KCTD16: variants seen among roughly 807,000 people sequenced by gnomAD.
KCTD16 encodes potassium channel tetramerization domain containing 16, also known as BTB/POZ domain-containing protein KCTD16.
Under a neutral mutation model 33.2 loss-of-function variants are expected in KCTD16, and 13 were observed. That is an observed-to-expected ratio of 0.39 (90% CI 0.25 to 0.62). The LOEUF is 0.62. KCTD16 is among the 20% of genes least tolerant of loss of function. The pLI, the probability that KCTD16 is intolerant of heterozygous loss-of-function variation, is 0.50. For synonymous variants in KCTD16, 197 were observed against 195.3 expected, an observed-to-expected ratio of 1.01 and a Z score of -0.07; for missense variants, 441 against 525.1, an observed-to-expected ratio of 0.84 and a Z score of 1.57.
At chr5:144,290,503 G>A (rs1755866915) in intron 3 of KCTD16, among the ~76,000 whole-genome samples, 2 of 152,150 alleles carry the variant, frequency 1.3e-5, no homozygotes, top group South Asian at 4.1e-4. Flanking sequence ...TGATTGAGTT[G>A]TTGTGCTTTA....
At chr5:144,355,790 A>C (rs1751556859) in intron 3 of KCTD16, among the ~76,000 whole-genome samples, 1 of 152,156 alleles carries the variant, frequency 6.6e-6, no homozygotes, top group Non-Finnish European at 1.5e-5. Flanking sequence ...GGAAGACACC[A>C]GGCTGATTTC....
At chr5:144,454,949 T>C (rs920841797) in intron 3 of KCTD16, among the ~76,000 whole-genome samples, 1 of 152,188 alleles carries the variant, frequency 6.6e-6, no homozygotes, top group Non-Finnish European at 1.5e-5. Flanking sequence ...TTCTGGGCAC[T>C]AAGGCTACAG....
intron 3 of KCTD16, among the ~76,000 whole-genome samples, chr5:144,436,907 T>C (rs1753592994): frequency 6.6e-6 from 1 of 152,130 alleles, no homozygotes; most frequent in African/African-American, 2.4e-5. Context: ...GTTTTACTTT[T>C]TAAGGATTAA....
rs187679348 is a variant in KCTD16 at position 144,300,298 on chromosome 5, A to C, written c.832+92752A>C. Among the ~76,000 whole-genome samples, 554 of 152,326 alleles carry C rather than the reference A, an allele frequency of 3.6e-3. 3 individuals carry two copies. The highest frequency in any genetic ancestry group is 0.013 in the African/African-American group (534 of 41,566). The stretch of plus-strand genomic sequence containing the variant: ...TAGATCAAGATATTTTGTATCTGGC[A>C]TCACAAAGCATTTTTGCTTCACTGT... On this transcript the variant is annotated intron_variant, in intron 3 of 3. Transcript: ENST00000512467.
At chr5:144,304,693 A>C (rs1348077550) in intron 3 of KCTD16, among the ~76,000 whole-genome samples, 1 of 152,176 alleles carries the variant, frequency 6.6e-6, no homozygotes, top group South Asian at 2.1e-4. Context: ...GCAAAATGCT[A>C]GGGCGATCTA....
rs555779756 is a variant in KCTD16 at position 144,475,289 on chromosome 5, C to G, written c.*1175C>G. 6.6e-6 allele frequency: 1 copy of G among 152,136 alleles called. No individual in the cohort carries two copies. The highest frequency in any genetic ancestry group is 6.6e-5 in the Admixed American group (1 of 15,262). The allele number at this position is 152,136 out of a possible 1,614,324, so 9.4% of individuals were successfully genotyped here. On this transcript the variant is annotated 3_prime_UTR_variant, in exon 4 of 4. Transcript: ENST00000512467. Reference sequence around the variant, plus strand: ...AGCTACATTTTTACTTGCTTGTAGCCGTTTTTGTTTGCCTTTGGGATTCGG... The same window carrying G: ...AGCTACATTTTTACTTGCTTGTAGCGGTTTTTGTTTGCCTTTGGGATTCGG...
At chr5:144,199,975 A>T (rs1753012517) in intron 2 of KCTD16, among the ~76,000 whole-genome samples, 1 of 151,842 alleles carries the variant, frequency 6.6e-6, no homozygotes, top group African/African-American at 2.4e-5. Flanking sequence ...TGCCTCCCAA[A>T]GTGCTTCCTC....
Position 144,477,487 on chromosome 5 carries a change from C to G in KCTD16, c.*3373C>G, listed in dbSNP as rs776460804. On this transcript the variant is annotated 3_prime_UTR_variant, in exon 4 of 4. Coordinates refer to ENST00000512467, the MANE Select transcript of KCTD16 (RefSeq NM_020768.4). ...AGGGATGTTGACATGGAATTTTTCT[C>G]TTTTCAATTAGCCTTGTTAGATTCA... 14 of 152,214 alleles carry G rather than the reference C, an allele frequency of 9.2e-5. No individual in the cohort carries two copies. The highest frequency in any genetic ancestry group is 2.0e-4 in the Admixed American group (3 of 15,274). 9.4% of individuals were successfully genotyped at this position (152,214 alleles called of 1,614,324 possible).
At chr5:144,407,201 G>GTTTTTTTTTTTTTT in intron 3 of KCTD16, among the ~76,000 whole-genome samples, 1 of 142,474 alleles carries the variant, frequency 7.0e-6, no homozygotes, top group Non-Finnish European at 1.5e-5. Context: ...AAAAATTCCT[G>GTTTTTTTTTTTTTT]TTTTTTTTTT....
At chr5:144,342,398 A>G (rs1580886899) in intron 3 of KCTD16, among the ~76,000 whole-genome samples, 1 of 152,298 alleles carries the variant, frequency 6.6e-6, no homozygotes, top group East Asian at 1.9e-4. Flanking sequence ...GTGTATAAGA[A>G]CGCTTGTGAT....
At chr5:144,361,137 G>A (rs1224036177) in intron 3 of KCTD16, among the ~76,000 whole-genome samples, 12 of 144,500 alleles carry the variant, frequency 8.3e-5, no homozygotes, top group African/African-American at 3.1e-4. Context: ...TCCCACCTAT[G>A]AGTGAGAATC....
At chr5:144,465,207 C>T (rs1487564750) in intron 3 of KCTD16, among the ~76,000 whole-genome samples, 2 of 132,134 alleles carry the variant, frequency 1.5e-5, no homozygotes, top group East Asian at 2.8e-4. Flanking sequence ...CTCACTCTCT[C>T]TCTCTCTCTT....
At chr5:144,281,163 C>T (rs1755598678) in intron 3 of KCTD16, among the ~76,000 whole-genome samples, 1 of 152,240 alleles carries the variant, frequency 6.6e-6, no homozygotes, top group Admixed American at 6.5e-5. Context: ...GCCTAGGCGA[C>T]AGACCGAGAC....
chr5:144,438,231 T>A (rs1753622848), intron 3 of KCTD16, among the ~76,000 whole-genome samples: 2 of 152,222 alleles, frequency 1.3e-5, no homozygotes, highest in South Asian at 4.1e-4. Flanking sequence ...AACAGTACAA[T>A]GTTCCTTGAT....
At chr5:144,286,944 A>G (rs921381962) in intron 3 of KCTD16, among the ~76,000 whole-genome samples, 10 of 152,336 alleles carry the variant, frequency 6.6e-5, no homozygotes, top group Admixed American at 5.9e-4. Context: ...TTCTAAATAC[A>G]TTTTATGATT....
intron 3 of KCTD16, among the ~76,000 whole-genome samples, chr5:144,342,910 T>C (rs863821): frequency 0.21 from 32,620 of 152,162 alleles, 3,951 homozygotes; most frequent in Non-Finnish European, 0.28. Context: ...GAACCAGCCT[T>C]GCATCCCAGG....
Position 144,225,510 on chromosome 5 carries a change from A to C in KCTD16, c.832+17964A>C, listed in dbSNP as rs141409314. On this transcript the variant is annotated intron_variant, in intron 3 of 3. Transcript: ENST00000512467. The stretch of plus-strand genomic sequence containing the variant: ...CGAAACAGAATAGGAAGAATTTATC[A>C]TTTTCTTCCTCTGCTCCACCACATA... 2.0e-5 allele frequency among the ~76,000 whole-genome samples: 3 copies of C among 147,654 alleles called. 1 individual carries two copies. Among genetic ancestry groups the C allele is most frequent in the Non-Finnish European group, 4.5e-5 (3 of 67,092 alleles).
intron 3 of KCTD16, among the ~76,000 whole-genome samples, chr5:144,211,333 T>C (rs542412938): frequency 2.0e-5 from 3 of 152,000 alleles, no homozygotes; most frequent in South Asian, 4.2e-4. Context: ...TATTCTAGCC[T>C]TTTTTTTCTC....
At chr5:144,456,204 A>ACCC (rs34549176) in intron 3 of KCTD16, among the ~76,000 whole-genome samples, 71 of 150,734 alleles carry the variant, frequency 4.7e-4, no homozygotes, top group African/African-American at 1.6e-3. Flanking sequence ...CCCCTCACAA[A>ACCC]CCCCCCCCAA....
Sources: allele counts gnomAD v4.1 joint callset (sites outside exome capture counted in the v4.1 genomes callset), GRCh38; gene constraint gnomAD v4.1.1; transcripts MANE v1.5; gene names NCBI Gene and HGNC (gene_info 2026-07-23, HGNC 2026-07-21).